CSF1R: variants seen among roughly 807,000 people sequenced by gnomAD.
The protein encoded by CSF1R is colony stimulating factor 1 receptor.
Under a neutral mutation model 110.0 loss-of-function variants are expected in CSF1R, and 40 were observed. The ratio of observed to expected loss-of-function variants is 0.36; its 90% CI spans 0.28 to 0.47. The LOEUF (loss-of-function observed/expected upper bound fraction) is 0.47. Ranked by LOEUF, CSF1R falls within the 20% of genes least tolerant of loss-of-function variation. CSF1R has a pLI of 0.99. For missense variants in CSF1R, 1,052 were observed against 1,253.0 expected (o/e 0.84, Z 2.42); for synonymous variants, 523 against 503.4 (o/e 1.04, Z -0.52).
At chr5:150,095,725 G>C (rs183266616) in intron 1 of CSF1R, among the ~76,000 whole-genome samples, 1 of 132,856 alleles carries the variant, frequency 7.5e-6, no homozygotes, top group Admixed American at 7.6e-5. Flanking sequence ...AAAACCAAAA[G>C]CTTTTTCACT....
rs1171498752 is a variant in CSF1R at position 150,070,220 on chromosome 5, G to A, written c.1281C>T (p.Pro427=). ...CACTGCACTGCAGCCATGTCACGTT[G>A]GGCTGGGGGTACCCAGAGGCAGCAC... The part of the protein sequence containing the change: ...LLCAASGYPQ[P]NVTWLQCSGH... The change falls in exon 8 of 21, where the codon CCC becomes CCT. Residue 427 remains proline, a synonymous_variant. Coordinates refer to ENST00000675795, the MANE Select transcript of CSF1R (RefSeq NM_001288705.3). 4.3e-6 allele frequency: 7 copies of A among 1,614,134 alleles called. No individual in the cohort carries two copies. The highest frequency in any genetic ancestry group is 5.9e-6 in the Non-Finnish European group (7 of 1,180,020).
At chr5:150,086,680 G>T (rs1435011831), upstream of CSF1R, 59 of 456,122 alleles carry the variant, frequency 1.3e-4, no homozygotes, top group Non-Finnish European at 1.2e-5. Flanking sequence ...ACCCAAGAGG[G>T]AGGGGTCGCA....
chr5:150,054,526 C>G, intron 19 of CSF1R, 96 bp from the exon 20 acceptor site: 1 of 949,496 alleles, frequency 1.1e-6, no homozygotes, highest in Non-Finnish European at 1.6e-6. Flanking sequence ...CAGAGGTCCC[C>G]AAACCCAGTC....
At chr5:150,069,182 C>T (rs571109698) in intron 9 of CSF1R, among the ~76,000 whole-genome samples, 7 of 152,322 alleles carry the variant, frequency 4.6e-5, no homozygotes, top group East Asian at 1.9e-4. Context: ...CAGCTGGGGA[C>T]GTGAGTGACC....
intron 1 of CSF1R, among the ~76,000 whole-genome samples, chr5:150,103,089 T>A (rs1223646117): frequency 2.6e-5 from 4 of 152,186 alleles, no homozygotes; most frequent in Admixed American, 6.5e-5. Flanking sequence ...AAAAGGAAGG[T>A]CAAGGAGGGT....
chr5:150,081,783 T>C (rs1758554669), intron 1 of CSF1R, among the ~76,000 whole-genome samples: 1 of 152,178 alleles, frequency 6.6e-6, no homozygotes, highest in Non-Finnish European at 1.5e-5. Flanking sequence ...CACATCTGTG[T>C]TTACTGGGAA....
At chr5:150,060,055 C>T (rs571894492) in intron 13 of CSF1R, among the ~76,000 whole-genome samples, 193 bp from the exon 14 acceptor site, 43 of 152,078 alleles carry the variant, frequency 2.8e-4, no homozygotes, top group Non-Finnish European at 5.3e-4. Flanking sequence ...TGGCGGGGCA[C>T]GGTGGCTCAT....
intron 2 of CSF1R, among the ~76,000 whole-genome samples, 200 bp downstream of exon 2, chr5:150,080,567 C>A (rs1758491629): frequency 6.6e-6 from 1 of 152,232 alleles, no homozygotes; most frequent in Admixed American, 6.5e-5. Context: ...CCTCCCTGCA[C>A]TTCTAGAAAA....
intron 18 of CSF1R, 47 bp downstream of exon 18, chr5:150,055,978 CA>C (rs1757195304): frequency 1.3e-6 from 2 of 1,566,070 alleles, no homozygotes; most frequent in Non-Finnish European, 1.8e-6. Context: ...GTGGGGCAAC[CA>C]GAGGAGCCAG....
intron 1 of CSF1R, among the ~76,000 whole-genome samples, chr5:150,084,607 C>A (rs540799262): frequency 6.6e-6 from 1 of 151,670 alleles, no homozygotes; most frequent in Admixed American, 6.5e-5. Context: ...AACCCACCAC[C>A]ACACCCGGCT....
intron 5 of CSF1R, among the ~76,000 whole-genome samples, chr5:150,074,964 C>T (rs1404363917): frequency 6.6e-6 from 1 of 152,198 alleles, no homozygotes; most frequent in East Asian, 1.9e-4. Flanking sequence ...CCATCCTCCT[C>T]CTTTTCATTA....
rs532877119 is a variant in CSF1R, at chr5:150,080,219, C to T, written c.425G>A (p.Arg142His). 9 of 1,613,796 alleles carry T rather than the reference C, an allele frequency of 5.6e-6. No homozygotes were observed. Among genetic ancestry groups the T allele is most frequent in the South Asian group, 1.1e-5 (1 of 91,088 alleles). The stretch of plus-strand genomic sequence containing the variant: ...GCGCATGAGGGGCCGGCCACGCACA[C>T]GCACCAGCGAGACGCCTGCTTCCAG... Reference protein sequence around the residue: ...PVLEAGVSLVRVRGRPLMRHT... With the variant: ...PVLEAGVSLVHVRGRPLMRHT... The change falls in exon 3 of 21, where the codon CGT (arginine) becomes CAT (histidine). Residue 142 changes from arginine to histidine, a missense_variant. Physicochemically the swap from Arg to His is conservative, Grantham distance 29. Around this residue, in one of 5 missense-constraint regions of CSF1R, gnomAD observed 693 missense variants for 735.4 expected, o/e 0.94. Transcript: ENST00000675795.
chr5:150,109,726 G>C, intron 1 of CSF1R, among the ~76,000 whole-genome samples: 1 of 152,286 alleles, frequency 6.6e-6, no homozygotes, highest in East Asian at 1.9e-4. Flanking sequence ...AGACTTCAGT[G>C]ACATTTTAAA....
chr5:150,102,986 T>A (rs531239607), intron 1 of CSF1R, among the ~76,000 whole-genome samples: 9 of 152,350 alleles, frequency 5.9e-5, no homozygotes, highest in Admixed American at 3.9e-4. Flanking sequence ...CTGAGCCATT[T>A]ATTGTTTACG....
rs1465302929 is a variant in CSF1R, at chr5:150,060,794, T to C, written c.1969+68A>G. ...CTGAGAAGGAGAAGACGGAACAAGG[T>C]AGCCCTGGGGCCCTGAGATTCCCCA... On this transcript the variant is annotated intron_variant, in intron 13 of 20. Coordinates refer to ENST00000675795, the MANE Select transcript of CSF1R (RefSeq NM_001288705.3). The C allele has an allele frequency of 3.0e-6, 3 of 1,000,538 alleles. No individual in the cohort carries two copies. In the African/African-American group the frequency reaches 4.9e-5, roughly 16 times the overall value. 62.0% of individuals were successfully genotyped at this position (1,000,538 alleles called of 1,614,324 possible). A position where few individuals can be genotyped will look rare whatever the true frequency, so the allele number is the denominator to read the frequency against.
intron 10 of CSF1R, among the ~76,000 whole-genome samples, chr5:150,064,444 T>C (rs910094285): frequency 6.6e-6 from 1 of 152,194 alleles, no homozygotes; most frequent in African/African-American, 2.4e-5. Context: ...AAGGGCGGAC[T>C]GCAGGTGAAC....
intron 1 of CSF1R, among the ~76,000 whole-genome samples, chr5:150,084,379 GAAAGAAA>G: frequency 2.1e-5 from 1 of 47,208 alleles, no homozygotes; most frequent in Non-Finnish European, 4.0e-5. Flanking sequence ...AAGAAAGAAA[GAAAGAAA>G]GAAAGAAGGA....
Position 150,078,865 on chromosome 5 carries a change from C to G in CSF1R, c.593-617G>C, listed in dbSNP as rs76698185. Among the ~76,000 whole-genome samples, 1,457 of 152,206 alleles carry G rather than the reference C, an allele frequency of 9.6e-3. 28 individuals are homozygous for G. The highest frequency in any genetic ancestry group is 0.033 in the African/African-American group (1,370 of 41,502). ...AATTCCTCAGCAAGGCTTCTGTGACCAGCTGATATGAATTAGCCTCCCCAG... is the reference window on the plus strand; with the variant it reads ...AATTCCTCAGCAAGGCTTCTGTGACGAGCTGATATGAATTAGCCTCCCCAG... On this transcript the variant is annotated intron_variant, in intron 3 of 20. Transcript: ENST00000675795.
Position 150,057,497 on chromosome 5 carries a change from T to A in CSF1R, c.2221+7A>T, listed in dbSNP as rs749554100. The A allele has an allele frequency of 1.4e-5, 22 of 1,613,916 alleles. No individual in the cohort carries two copies. The South Asian group carries it at 1.8e-4, about 13-fold the overall frequency. ...GCAAATGGGGCCTGGCCCTGGGACC[T>A]CCTCACCTTGCTCAGAGAAGGAGTC... On this transcript the variant is annotated splice_region_variant and intron_variant, in intron 15 of 20. Transcript: ENST00000675795.
Sources: allele counts gnomAD v4.1 joint callset (sites outside exome capture counted in the v4.1 genomes callset), GRCh38; gene constraint gnomAD v4.1.1; regional missense constraint gnomAD v4.1.1; transcripts MANE v1.5; gene names NCBI Gene and HGNC (gene_info 2026-07-23, HGNC 2026-07-21).